Variants in FAAH2 observed in about 807,000 individuals in gnomAD.
FAAH2 encodes the protein fatty-acid amide hydrolase 2.
Under a neutral mutation model 36.9 loss-of-function variants are expected in FAAH2, and 60 were observed. The observed-to-expected ratio is 1.63, with a 90% CI of 1.32 to 2.02. The LOEUF (loss-of-function observed/expected upper bound fraction) is 2.02, where lower values mean the gene tolerates loss of function less well. Ranked by LOEUF, FAAH2 falls within the 30% of genes most tolerant of loss-of-function variation. The pLI is 0.00. For missense variants in FAAH2, 689 were observed against 397.5 expected, an observed-to-expected ratio of 1.73 and a Z score of -6.23; for synonymous variants, 214 against 143.8, an observed-to-expected ratio of 1.49 and a Z score of -3.49.
intron 7 of FAAH2, among the ~76,000 whole-genome samples, chrX:57,401,962 A>T (rs965512676): frequency 1.1e-4 from 12 of 111,566 alleles, no homozygotes; most frequent in Non-Finnish European, 1.9e-4. Flanking sequence ...TGGGAGAAGT[A>T]TCTAGTGACT....
chrX:57,209,680 A>G, the FAAH2 span, among the ~76,000 whole-genome samples: 22 of 111,415 alleles, frequency 2.0e-4, no homozygotes, highest in African/African-American at 7.2e-4. Context: ...TTTAGCTACC[A>G]TGGCTGTTTT....
chrX:57,355,059 A>AT (rs773979268), intron 5 of FAAH2, among the ~76,000 whole-genome samples: 3 of 110,382 alleles, frequency 2.7e-5, no homozygotes, highest in African/African-American at 6.5e-5. Flanking sequence ...AGGAATAAAC[A>AT]TTTTTTTGAA....
the FAAH2 span, among the ~76,000 whole-genome samples, chrX:57,249,665 T>G: frequency 8.9e-6 from 1 of 112,266 alleles, no homozygotes; most frequent in Non-Finnish European, 1.9e-5. Flanking sequence ...TCTTTCCCAG[T>G]CTGTCTGTAA....
chrX:57,422,830 G>A (rs1368332992), intron 7 of FAAH2, among the ~76,000 whole-genome samples: 1 of 112,227 alleles, frequency 8.9e-6, no homozygotes, highest in Non-Finnish European at 1.9e-5. Context: ...TAGCAAAATA[G>A]CAGGTAGAGA....
intron 7 of FAAH2, chrX:57,393,405 G>T: frequency 1.3e-6 from 1 of 768,602 alleles, no homozygotes; most frequent in Admixed American, 2.2e-5. Context: ...TTGATGTTAA[G>T]AAACTTTTCT....
chrX:57,208,109 C>T, the FAAH2 span, among the ~76,000 whole-genome samples: 79 of 112,604 alleles, frequency 7.0e-4, 1 homozygote, highest in Non-Finnish European at 9.8e-4. Context: ...GAACTGAGAG[C>T]GGTCGCTCGA....
At chrX:57,259,400 G>A in the FAAH2 span, among the ~76,000 whole-genome samples, 1 of 111,835 alleles carries the variant, frequency 8.9e-6, no homozygotes, top group Non-Finnish European at 1.9e-5. Flanking sequence ...GTGTTTGTAT[G>A]TCTGTGTGTG....
the FAAH2 span, among the ~76,000 whole-genome samples, chrX:57,162,410 C>G: frequency 1.8e-5 from 2 of 111,659 alleles, no homozygotes; most frequent in African/African-American, 6.5e-5. Flanking sequence ...GTTGGCCTGT[C>G]TTGCTAGATT....
chrX:57,403,482 G>A (rs951126172), intron 7 of FAAH2, among the ~76,000 whole-genome samples: 1 of 112,740 alleles, frequency 8.9e-6, no homozygotes, highest in African/African-American at 3.2e-5. Context: ...GCTGGGCTGG[G>A]TTCCTGAGTA....
At chrX:57,481,652 G>T (rs1312194460) in intron 10 of FAAH2, among the ~76,000 whole-genome samples, 4 of 111,794 alleles carry the variant, frequency 3.6e-5, no homozygotes, top group Admixed American at 1.9e-4. Context: ...GCCAGCTGGA[G>T]CTGTCTTGTA....
intron 10 of FAAH2, among the ~76,000 whole-genome samples, chrX:57,458,928 T>C (rs913494059): frequency 2.9e-4 from 33 of 112,053 alleles, no homozygotes; most frequent in Non-Finnish European, 5.6e-4. Flanking sequence ...AAGAGTTGTT[T>C]TCTTGTTGTT....
chrX:57,156,188 C>G, the FAAH2 span, among the ~76,000 whole-genome samples: 42 of 112,021 alleles, frequency 3.7e-4, no homozygotes, highest in Admixed American at 3.9e-3. Context: ...TTCATTCTGT[C>G]AATTGAATTT....
At chrX:57,269,507 T>A in the FAAH2 span, among the ~76,000 whole-genome samples, 1 of 111,558 alleles carries the variant, frequency 9.0e-6, no homozygotes, top group Non-Finnish European at 1.9e-5. Flanking sequence ...TCAAGAGAAC[T>A]GAAATCATAA....
intron 5 of FAAH2, among the ~76,000 whole-genome samples, chrX:57,347,671 G>A (rs2053864736): frequency 1.5e-5 from 1 of 66,042 alleles, no homozygotes; most frequent in Admixed American, 1.9e-4. Context: ...CATAATTCTT[G>A]CACTTATTCT....
the FAAH2 span, among the ~76,000 whole-genome samples, chrX:57,204,438 A>G: frequency 8.9e-6 from 1 of 111,892 alleles, no homozygotes; most frequent in East Asian, 2.8e-4. Context: ...TATCATAGCT[A>G]TCATTAAATT....
the FAAH2 span, among the ~76,000 whole-genome samples, chrX:57,188,291 A>T: frequency 1.8e-5 from 2 of 110,847 alleles, no homozygotes; most frequent in African/African-American, 6.6e-5. Flanking sequence ...TAGTCTTGGG[A>T]GGGTGTATGC....
At chrX:57,396,389 T>A (rs1280952269) in intron 7 of FAAH2, among the ~76,000 whole-genome samples, 3 of 108,795 alleles carry the variant, frequency 2.8e-5, no homozygotes, top group Non-Finnish European at 5.7e-5. Context: ...TTTTTTTTTT[T>A]TTCTTGTTTT....
At chrX:57,228,319 T>G in the FAAH2 span, among the ~76,000 whole-genome samples, 1 of 111,499 alleles carries the variant, frequency 9.0e-6, no homozygotes, top group Admixed American at 9.5e-5. Context: ...AGTGCCTTTC[T>G]GCTACTTCCT....
chrX:57,324,863 C>A (rs1443244999), intron 3 of FAAH2, among the ~76,000 whole-genome samples: 1 of 112,052 alleles, frequency 8.9e-6, no homozygotes, highest in African/African-American at 3.2e-5. Flanking sequence ...CTGGCCATAA[C>A]TTCCAACACT....
Sources: gnomAD v4.1 joint callset for allele counts (sites outside exome capture counted in the v4.1 genomes callset) on GRCh38, gnomAD v4.1.1 for gene constraint, MANE v1.5 for transcripts, NCBI Gene and HGNC (gene_info 2026-07-23, HGNC 2026-07-21) for gene names.